EPHA2: variants seen among roughly 807,000 people sequenced by gnomAD.
EPHA2 encodes ephrin type-A receptor 2.
In EPHA2, 54 loss-of-function variants were observed where a neutral mutation model predicts 104.9. The observed-to-expected ratio is 0.51, with a 90% CI of 0.41 to 0.65. The LOEUF is 0.65. EPHA2 is among the 30% of genes least tolerant of loss of function. The pLI is 0.00. For synonymous variants in EPHA2, 560 were observed against 559.1 expected (o/e 1.00, Z -0.02); for missense variants, 1,117 against 1,369.5 (o/e 0.82, Z 2.91).
rs775810739 is a variant in EPHA2, at chr1:16,134,600, T to A, written c.1583-33A>T. ...AAGAAATCAGCTGATGACAAGGGAG[T>A]TCCCCCACAAATTACAGCAACACCC... On this transcript the variant is annotated intron_variant, in intron 7 of 16. Transcript: ENST00000358432. This position sits in a 1 kb window ranked among gnomAD's most constrained non-coding sequence, Gnocchi z 4.5. 12 of 1,607,662 alleles carry A rather than the reference T, an allele frequency of 7.5e-6. No individual in the cohort carries two copies. Among genetic ancestry groups the A allele is most frequent in the Non-Finnish European group, 9.4e-6 (11 of 1,175,736 alleles).
In EPHA2 at chr1:16,135,036, A is replaced by G; in HGVS notation, c.1582T>C (p.Ser528Pro). 1 of 1,612,122 alleles carries G rather than the reference A, an allele frequency of 6.2e-7. No individual in the cohort carries two copies. The highest frequency in any genetic ancestry group is 2.2e-5 in the East Asian group (1 of 44,876). Residue 528 changes from serine to proline, a missense_variant and splice_region_variant, in exon 7 of 17, where the codon TCC (serine) becomes CCC (proline). This residue lies in a region of EPHA2 where 664 missense variants were observed against 784.8 expected (regional missense o/e 0.85). Coordinates refer to ENST00000358432, the MANE Select transcript of EPHA2 (RefSeq NM_004431.5). This position sits in a 1 kb window ranked among gnomAD's most constrained non-coding sequence, Gnocchi z 4.3. ...GSKVHEFQTL[S>P]PEGSGNLAVI... The stretch of plus-strand genomic sequence containing the variant: ...CCATGCCCAGGGTCCCCCAACTCAC[A>G]CAGCGTCTGGAATTCGTGCACCTTG...
In EPHA2 at chr1:16,125,016, AAG is replaced by A; in HGVS notation, c.*197_*198del. On this transcript the variant is annotated 3_prime_UTR_variant, in exon 17 of 17. Coordinates refer to ENST00000358432, the MANE Select transcript of EPHA2 (RefSeq NM_004431.5). This position sits in a 1 kb window ranked among gnomAD's most constrained non-coding sequence, Gnocchi z 4.9. Reference sequence around the variant, plus strand: ...CTCAGCTGTGTGCGTCTCGCAGGGAAAGAGGGCCCAGCCCAGCATCCCTGGTC... The same window carrying A: ...CTCAGCTGTGTGCGTCTCGCAGGGAAAGGGCCCAGCCCAGCATCCCTGGTC... 1.6e-6 allele frequency: 1 copy of A among 613,792 alleles called. No individual in the cohort carries two copies. Among genetic ancestry groups the A allele is most frequent in the East Asian group, 2.8e-5 (1 of 35,166 alleles). The allele number at this position is 613,792 out of a possible 1,614,324, so 38.0% of individuals were successfully genotyped here.
At chr1:16,126,322 C>T (rs1263496141) in intron 16 of EPHA2, among the ~76,000 whole-genome samples, 1 of 152,214 alleles carries the variant, frequency 6.6e-6, no homozygotes, top group Non-Finnish European at 1.5e-5. Context: ...CTAGCCCAAA[C>T]CCATGAAAAC....
chr1:16,133,446 C>T, intron 10 of EPHA2, 35 bp downstream of exon 10: 1 of 1,614,042 alleles, frequency 6.2e-7, no homozygotes, highest in South Asian at 1.1e-5. Flanking sequence ...CCACCGCTGC[C>T]TCCTCAGGGC....
intron 1 of EPHA2, among the ~76,000 whole-genome samples, chr1:16,151,463 C>T (rs2025035655): frequency 6.6e-6 from 1 of 152,226 alleles, no homozygotes; most frequent in South Asian, 2.1e-4. Context: ...ACCAACCCCA[C>T]TCAGGTCATG....
At chr1:16,127,079 C>T (rs557880678) in intron 16 of EPHA2, among the ~76,000 whole-genome samples, 3 of 152,170 alleles carry the variant, frequency 2.0e-5, no homozygotes, top group East Asian at 3.9e-4. Context: ...GGAGGCCCTG[C>T]GTAGAAAACT....
rs2024621664 is a variant in EPHA2, at chr1:16,133,563, A to G, written c.1782T>C (p.Tyr594=). 3 of 1,614,046 alleles carry G rather than the reference A, an allele frequency of 1.9e-6. No homozygotes were observed. The highest frequency in any genetic ancestry group is 4.5e-5 in the East Asian group (2 of 44,884). The part of the protein sequence containing the change: ...PLKTYVDPHT[Y]EDPNQAVLKF... ...TCAACACAGCCTGGTTGGGGTCCTC[A>G]TATGTGTGGGGGTCCACGTATGTCT... The change falls in exon 10 of 17, where the codon TAT becomes TAC. Residue 594 remains tyrosine, a synonymous_variant. Coordinates refer to ENST00000358432, the MANE Select transcript of EPHA2 (RefSeq NM_004431.5).
chr1:16,134,438 T>A lies in EPHA2; in HGVS notation c.1682+30A>T. 6.2e-7 allele frequency: 1 copy of A among 1,609,522 alleles called. No homozygotes were observed. The highest frequency in any genetic ancestry group is 1.1e-5 in the South Asian group (1 of 90,950). ...TGCCCCATTTTCCCACCCAAGCCCA[T>A]GTGGAGCCAGGGTATGGGCTCTGAC... On this transcript the variant is annotated intron_variant, in intron 8 of 16. Coordinates refer to ENST00000358432, the MANE Select transcript of EPHA2 (RefSeq NM_004431.5). This position sits in a 1 kb window ranked among gnomAD's most constrained non-coding sequence, Gnocchi z 4.5.
chr1:16,150,925 C>T lies in EPHA2; in HGVS notation c.124G>A (p.Gly42Ser), dbSNP rs886045506. The T allele has an allele frequency of 1.9e-6, 3 of 1,614,106 alleles. No homozygotes were observed. The highest frequency in any genetic ancestry group is 2.5e-6 in the Non-Finnish European group (3 of 1,180,020). Residue 42 changes from glycine (G) to serine (S), a missense_variant, in exon 2 of 17, where the codon GGC (glycine) becomes AGC (serine). Gly to Ser is a moderately conservative substitution (Grantham distance 56). Transcript: ENST00000358432. This position sits in a 1 kb window ranked among gnomAD's most constrained non-coding sequence, Gnocchi z 4.8. ...LDFAAAGGEL[G>S]WLTHPYGKGW... ...TTGCCATACGGGTGTGTGAGCCAGCCGAGCTCCCCTCCAGCTGCAGCAAAG... is the reference window on the plus strand; with the variant it reads ...TTGCCATACGGGTGTGTGAGCCAGCTGAGCTCCCCTCCAGCTGCAGCAAAG...
In EPHA2 at chr1:16,135,186, C is replaced by T. The variant is rs1295018439; in HGVS notation, c.1432G>A (p.Asp478Asn). Residue 478 changes from aspartate to asparagine, a missense_variant, in exon 7 of 17, where the codon GAC becomes AAC. Transcript: ENST00000358432. The surrounding 1 kb of genome is among the most constrained non-coding windows in gnomAD (Gnocchi z 4.3). ...KYEVTYRKKG[D>N]SNSYNVRRTE... is the part of the protein sequence containing the mutation. ...CGGCGCACATTGTAGCTGTTGGAGTCTCCCTGTGGGTGGGTGGCCGGCGGA... is the reference window on the plus strand; with the variant it reads ...CGGCGCACATTGTAGCTGTTGGAGTTTCCCTGTGGGTGGGTGGCCGGCGGA... The T allele has an allele frequency of 1.2e-6, 2 of 1,613,740 alleles. No individual in the cohort carries two copies. Among genetic ancestry groups the T allele is most frequent in the South Asian group, 2.2e-5 (2 of 91,080 alleles).
In EPHA2 at chr1:16,138,117, G is replaced by T. The variant is rs11543934; in HGVS notation, c.1048C>A (p.Pro350Thr). ...TCGCGGCCCCCGCTGTCCTGAGGGG[G>T]CGTCCAGCGCAGCTCCACCTTGGCA... is the stretch of plus-strand genomic sequence containing the variant. ...MGAKVELRWT[P>T]PQDSGGREDI... Residue 350 changes from proline (P) to threonine (T), a missense_variant, in exon 5 of 17, where the codon CCC becomes ACC. Transcript: ENST00000358432. 2.8e-3 allele frequency: 4,504 copies of T among 1,609,294 alleles called. 15 individuals are homozygous for T. Among genetic ancestry groups the T allele is most frequent in the Non-Finnish European group, 2.7e-3 (3,139 of 1,179,696 alleles).
chr1:16,134,172 T>C lies in EPHA2; in HGVS notation c.1683-257A>G, dbSNP rs990976735. ...CCCAGAATGGCCCCTTAAGCAGTCG[T>C]GACGAAGGCATTCCCATTAGAGCTA... On this transcript the variant is annotated intron_variant, in intron 8 of 16. Coordinates refer to ENST00000358432, the MANE Select transcript of EPHA2 (RefSeq NM_004431.5). The surrounding 1 kb of genome is among the most constrained non-coding windows in gnomAD (Gnocchi z 4.5). 2.6e-5 allele frequency among the ~76,000 whole-genome samples: 4 copies of C among 152,092 alleles called. No homozygotes were observed. The highest frequency in any genetic ancestry group is 9.7e-5 in the African/African-American group (4 of 41,408).
In EPHA2 at chr1:16,138,175, G is replaced by A. The variant is rs756612761; in HGVS notation, c.990C>T (p.Ser330=). The A allele has an allele frequency of 2.6e-5, 42 of 1,609,422 alleles. No homozygotes were observed. In the Admixed American group the frequency reaches 3.3e-4, roughly 13 times the overall value. Residue 330 remains serine, a synonymous_variant, in exon 5 of 17, where the codon TCC becomes TCT. Coordinates refer to ENST00000358432, the MANE Select transcript of EPHA2 (RefSeq NM_004431.5). ...CCACGGCTGTGAGGTAGTGTGGGGCGGAGGGGGGTCCTGCACAGACAGGAG... is the reference window on the plus strand; with the variant it reads ...CCACGGCTGTGAGGTAGTGTGGGGCAGAGGGGGGTCCTGCACAGACAGGAG... The part of the protein sequence containing the change: ...PASMPCTRPP[S]APHYLTAVGM...
intron 3 of EPHA2, among the ~76,000 whole-genome samples, chr1:16,145,839 A>T (rs1463890373): frequency 1.3e-5 from 2 of 152,206 alleles, no homozygotes; most frequent in East Asian, 1.9e-4. Context: ...TCAGATCCTG[A>T]TGCAGCCACA....
chr1:16,146,112 G>A (rs918783949), intron 3 of EPHA2, among the ~76,000 whole-genome samples: 7 of 152,320 alleles, frequency 4.6e-5, no homozygotes. Context: ...CCAGCCGGGC[G>A]TTCCTGGCAT....
chr1:16,136,671 AAAG>A (rs1244914293), intron 5 of EPHA2, among the ~76,000 whole-genome samples: 4 of 109,372 alleles, frequency 3.7e-5, no homozygotes, highest in Non-Finnish European at 6.5e-5. Context: ...GAAAAGAAGA[AAAG>A]AAGAAGAAAG....
chr1:16,146,108 G>A (rs575594626), intron 3 of EPHA2, among the ~76,000 whole-genome samples: 2 of 152,290 alleles, frequency 1.3e-5, no homozygotes, highest in South Asian at 4.1e-4. Flanking sequence ...GGAGCCAGCC[G>A]GGCGTTCCTG....
At chr1:16,127,327 G>A (rs2024489025) in intron 16 of EPHA2, among the ~76,000 whole-genome samples, 1 of 152,170 alleles carries the variant, frequency 6.6e-6, no homozygotes, top group Admixed American at 6.5e-5. Flanking sequence ...GCCTGGGGTT[G>A]GGCTATTTTT....
rs1570395264 is a variant in EPHA2 at position 16,129,367 on chromosome 1, G to A, written c.2825+67C>T. 1.9e-5 allele frequency: 30 copies of A among 1,566,406 alleles called. No individual in the cohort carries two copies. In the East Asian group the frequency reaches 5.4e-4, roughly 28 times the overall value. Reference sequence around the variant, plus strand: ...GAGGGGCAGGGAAGAGGGCTGGGGGGGGCATGGAGGCAGCCTCTGGAGTGG... The same window carrying A: ...GAGGGGCAGGGAAGAGGGCTGGGGGAGGCATGGAGGCAGCCTCTGGAGTGG... On this transcript the variant is annotated intron_variant, in intron 16 of 16. Coordinates refer to ENST00000358432, the MANE Select transcript of EPHA2 (RefSeq NM_004431.5).
Sources: gnomAD v4.1 joint callset for allele counts (sites outside exome capture counted in the v4.1 genomes callset) on GRCh38, gnomAD v4.1.1 for gene constraint, gnomAD v4.1.1 regional missense constraint, Gnocchi (gnomAD v3.1) non-coding constraint, MANE v1.5 for transcripts, NCBI Gene and HGNC (gene_info 2026-07-23, HGNC 2026-07-21) for gene names.